Variants in NCKAP1 observed in about 807,000 individuals in gnomAD.
NCKAP1 encodes NCK associated protein 1, also known as nck-associated protein 1.
NCKAP1 carries 21 observed loss-of-function variants against 151.2 expected under a neutral mutation model. The ratio of observed to expected loss-of-function variants is 0.14; its 90% CI spans 0.10 to 0.20. NCKAP1 has a LOEUF of 0.20. Among genes scored for constraint, NCKAP1 ranks in the 10% least tolerant of loss-of-function variants. NCKAP1 has a pLI of 1.00. For synonymous variants in NCKAP1, 484 were observed against 451.8 expected, an observed-to-expected ratio of 1.07 and a Z score of -0.90; for missense variants, 933 against 1,352.1, an observed-to-expected ratio of 0.69 and a Z score of 4.86.
chr2:182,953,088 A>T lies in NCKAP1; in HGVS notation c.2372+25T>A, dbSNP rs1257493432. The T allele has an allele frequency of 3.2e-6, 5 of 1,568,330 alleles. No homozygotes were observed. In the African/African-American group the frequency reaches 6.9e-5, roughly 22 times the overall value. ...ACTTCATTACAAATTTTCCGCTACT[A>T]CAAATTTCTAAATGCATTCCTTACC... On this transcript the variant is annotated intron_variant, in intron 21 of 30. Transcript: ENST00000361354.
At chr2:183,007,448 T>G (rs888386031) in intron 2 of NCKAP1, among the ~76,000 whole-genome samples, 1 of 152,162 alleles carries the variant, frequency 6.6e-6, no homozygotes, top group Non-Finnish European at 1.5e-5. Context: ...TGAAATTTAT[T>G]ATGTATTCTA....
At chr2:182,954,200 T>C (rs1697277900) in intron 20 of NCKAP1, among the ~76,000 whole-genome samples, 1 of 152,206 alleles carries the variant, frequency 6.6e-6, no homozygotes, top group African/African-American at 2.4e-5. Flanking sequence ...ACAAACTGTA[T>C]GACAGTCAAA....
chr2:182,944,871 G>A (rs953812292), intron 23 of NCKAP1, among the ~76,000 whole-genome samples: 2 of 152,180 alleles, frequency 1.3e-5, no homozygotes, highest in African/African-American at 4.8e-5. Context: ...GGAGGCCAAG[G>A]TGGATGGATC....
In NCKAP1 at chr2:182,986,183, G is replaced by A. The variant is rs768352244; in HGVS notation, c.992C>T (p.Ala331Val). Residue 331 changes from alanine to valine, a missense_variant, in exon 10 of 31, where the codon GCC (alanine) becomes GTC (valine). This residue lies in a region of NCKAP1 where 607 missense variants were observed against 795.0 expected (regional missense o/e 0.76). Coordinates refer to ENST00000361354, the MANE Select transcript of NCKAP1 (RefSeq NM_013436.5). ...TAAAACTACTCACGCATGTGACACG[G>A]CTGCCTCCTTGCATTCTCTTATGTC... ...INDIRECKEA[A>V]VSHAGSMHRE... The A allele has an allele frequency of 5.6e-6, 9 of 1,613,602 alleles. No homozygotes were observed. The highest frequency in any genetic ancestry group is 7.6e-6 in the Non-Finnish European group (9 of 1,179,700).
intron 20 of NCKAP1, among the ~76,000 whole-genome samples, chr2:182,954,342 C>A (rs1471171663): frequency 6.6e-6 from 1 of 152,128 alleles, no homozygotes; most frequent in Non-Finnish European, 1.5e-5. Context: ...CCTAAATGAT[C>A]TTATCCTACA....
At chr2:182,948,783 T>C (rs1209730121) in intron 23 of NCKAP1, among the ~76,000 whole-genome samples, 3 of 152,238 alleles carry the variant, frequency 2.0e-5, no homozygotes, top group Non-Finnish European at 4.4e-5. Flanking sequence ...TGCAAGTTGA[T>C]TGTGAAAACA....
chr2:182,980,172 A>G (rs764058965), intron 13 of NCKAP1, among the ~76,000 whole-genome samples: 14 of 152,102 alleles, frequency 9.2e-5, no homozygotes, highest in Non-Finnish European at 1.8e-4. Flanking sequence ...TAGTAAGGCA[A>G]TAATACCCCA....
At chr2:183,000,257 C>T (rs1698352031) in intron 6 of NCKAP1, among the ~76,000 whole-genome samples, 1 of 152,084 alleles carries the variant, frequency 6.6e-6, no homozygotes, top group South Asian at 2.1e-4. Context: ...GGTCTAAATT[C>T]AAATGAATTA....
intron 6 of NCKAP1, among the ~76,000 whole-genome samples, chr2:182,998,376 C>G (rs866720366): frequency 6.6e-6 from 1 of 151,780 alleles, no homozygotes; most frequent in Middle Eastern, 3.4e-3. Flanking sequence ...AAAAGGCATC[C>G]AAATTGAAAA....
intron 2 of NCKAP1, among the ~76,000 whole-genome samples, chr2:183,007,903 C>A (rs1698510630): frequency 6.6e-6 from 1 of 152,060 alleles, no homozygotes; most frequent in Non-Finnish European, 1.5e-5. Context: ...CACATAGCAG[C>A]AGCACAGTGA....
chr2:182,976,612 T>C (rs986083355), intron 15 of NCKAP1, among the ~76,000 whole-genome samples: 4 of 152,196 alleles, frequency 2.6e-5, no homozygotes, highest in African/African-American at 9.6e-5. Flanking sequence ...GCTTTCACTT[T>C]AGAATTAAAT....
intron 26 of NCKAP1, 42 bp downstream of exon 26, chr2:182,934,710 G>C (rs371894375): frequency 1.0e-6 from 1 of 971,160 alleles, no homozygotes. Context: ...TAAATATTTC[G>C]CTTTAGAGAC....
At chr2:182,974,091 C>T (rs147525579) in intron 15 of NCKAP1, among the ~76,000 whole-genome samples, 3 of 152,008 alleles carry the variant, frequency 2.0e-5, no homozygotes, top group Admixed American at 1.3e-4. Context: ...AATCTGTAGG[C>T]TTGGAACTTT....
chr2:183,024,593 G>C (rs189788305), intron 1 of NCKAP1, among the ~76,000 whole-genome samples: 16 of 152,266 alleles, frequency 1.1e-4, no homozygotes, highest in African/African-American at 3.1e-4. Context: ...GCAGTAAACT[G>C]TAAGGCACTA....
intron 2 of NCKAP1, among the ~76,000 whole-genome samples, chr2:183,009,563 T>TAAA (rs1698553031): frequency 6.6e-6 from 1 of 152,248 alleles, no homozygotes; most frequent in Non-Finnish European, 1.5e-5. Context: ...ACTGAGTGTT[T>TAAA]AAGATGTATA....
intron 1 of NCKAP1, among the ~76,000 whole-genome samples, chr2:183,034,176 C>A (rs1575076683): frequency 1.3e-5 from 2 of 152,188 alleles, no homozygotes; most frequent in African/African-American, 4.8e-5. Flanking sequence ...TTTCTTCCCC[C>A]ACTAAATAAG....
chr2:182,989,777 G>A (rs762450137), intron 8 of NCKAP1, among the ~76,000 whole-genome samples: 20 of 151,790 alleles, frequency 1.3e-4, no homozygotes, highest in African/African-American at 1.9e-4. Context: ...CAAGGCAGGC[G>A]GATCATGAGG....
chr2:183,005,340 G>A (rs1010313452), intron 2 of NCKAP1, among the ~76,000 whole-genome samples: 1 of 152,052 alleles, frequency 6.6e-6, no homozygotes, highest in Non-Finnish European at 1.5e-5. Flanking sequence ...GTCCTAGTCT[G>A]AACAATAAAT....
intron 29 of NCKAP1, 96 bp downstream of exon 29, chr2:182,928,021 T>C: frequency 2.3e-6 from 2 of 852,986 alleles, no homozygotes; most frequent in Non-Finnish European, 1.8e-6. Flanking sequence ...CTAAATAAAA[T>C]GTAAAAATAA....
Sources: gnomAD v4.1 joint callset for allele counts (sites outside exome capture counted in the v4.1 genomes callset) on GRCh38, gnomAD v4.1.1 for gene constraint, gnomAD v4.1.1 regional missense constraint, MANE v1.5 for transcripts, NCBI Gene and HGNC (gene_info 2026-07-23, HGNC 2026-07-21) for gene names.